MARCHF11: variants seen among roughly 807,000 people sequenced by gnomAD.
MARCHF11 encodes the protein E3 ubiquitin-protein ligase MARCHF11.
In MARCHF11, 29 loss-of-function variants were observed where a neutral mutation model predicts 37.3. The ratio of observed to expected loss-of-function variants is 0.78; its 90% CI spans 0.58 to 1.06. The LOEUF is 1.06. Ranked by LOEUF, MARCHF11 falls within the 50% of genes least tolerant of loss-of-function variation. The pLI, the probability that MARCHF11 is intolerant of heterozygous loss-of-function variation, is 0.00. For missense variants in MARCHF11, 482 were observed against 533.4 expected (o/e 0.90, Z 0.95); for synonymous variants, 233 against 228.0 (o/e 1.02, Z -0.20).
intron 2 of MARCHF11, among the ~76,000 whole-genome samples, chr5:16,145,547 A>G (rs1737783080): frequency 6.6e-6 from 1 of 152,188 alleles, no homozygotes; most frequent in African/African-American, 2.4e-5. Context: ...GTATTTTATT[A>G]TAGCAATCCA....
chr5:16,166,891 ATGTGTGTGTG>A lies in MARCHF11; in HGVS notation c.693+10825_693+10834del, dbSNP rs3993864. On this transcript the variant is annotated intron_variant, in intron 2 of 3. Coordinates refer to ENST00000332432, the MANE Select transcript of MARCHF11 (RefSeq NM_001102562.3). ...TCACCAGAGAAACAAAACCAACAGG[ATGTGTGTGTG>A]TGTGTGTGTGTGTGTGTACATATGT... is the stretch of plus-strand genomic sequence containing the variant. Among the ~76,000 whole-genome samples the A allele has an allele frequency of 4.7e-5, 7 of 149,374 alleles. No homozygotes were observed. In the East Asian group the frequency reaches 6.1e-4, roughly 13 times the overall value.
chr5:16,106,523 C>T (rs1013143773), intron 2 of MARCHF11, among the ~76,000 whole-genome samples: 3 of 152,140 alleles, frequency 2.0e-5, no homozygotes, highest in Non-Finnish European at 4.4e-5. Flanking sequence ...ATGCATGAAG[C>T]GTGGTTTTGT....
rs201450561 is a variant in MARCHF11 at position 16,092,400 on chromosome 5, CTGTT to C, written c.694-1323_694-1320del. Among the ~76,000 whole-genome samples the C allele has an allele frequency of 4.6e-3, 708 of 152,300 alleles. 6 individuals carry two copies. The highest frequency in any genetic ancestry group is 0.016 in the African/African-American group (653 of 41,552). ...TTTTAAATAACAGAACCGAACAACACTGTTTGGTGAAATACTGTGAGAAAGAGAT... is the reference window on the plus strand; with the variant it reads ...TTTTAAATAACAGAACCGAACAACACTGGTGAAATACTGTGAGAAAGAGAT... On this transcript the variant is annotated intron_variant, in intron 2 of 3. Coordinates refer to ENST00000332432, the MANE Select transcript of MARCHF11 (RefSeq NM_001102562.3).
chr5:16,145,460 C>T (rs372709112), intron 2 of MARCHF11, among the ~76,000 whole-genome samples: 8 of 152,266 alleles, frequency 5.3e-5, no homozygotes, highest in African/African-American at 1.7e-4. Flanking sequence ...TCTAACCTGA[C>T]GGTGCCTTGA....
At chr5:16,157,660 G>A (rs974842903) in intron 2 of MARCHF11, among the ~76,000 whole-genome samples, 1 of 151,800 alleles carries the variant, frequency 6.6e-6, no homozygotes, top group African/African-American at 2.4e-5. Flanking sequence ...CAGACTCTTA[G>A]CTCACACTGC....
At chr5:16,134,991 C>G (rs1737582775) in intron 2 of MARCHF11, among the ~76,000 whole-genome samples, 2 of 132,930 alleles carry the variant, frequency 1.5e-5, no homozygotes, top group Admixed American at 7.6e-5. Context: ...CTCTCTCTCT[C>G]TCTCTCTCAC....
intron 2 of MARCHF11, among the ~76,000 whole-genome samples, chr5:16,092,174 C>T (rs1179049832): frequency 6.6e-6 from 1 of 151,842 alleles, no homozygotes; most frequent in Non-Finnish European, 1.5e-5. Flanking sequence ...GACACTGATC[C>T]TCTCTCCCTC....
intron 3 of MARCHF11, among the ~76,000 whole-genome samples, chr5:16,082,253 G>A (rs950493908): frequency 6.6e-6 from 1 of 152,172 alleles, no homozygotes; most frequent in Admixed American, 6.5e-5. Context: ...GGCTCATCAC[G>A]TTGAATCAGA....
chr5:16,129,105 A>G (rs1737469211), intron 2 of MARCHF11: 1 of 152,222 alleles, frequency 6.6e-6, no homozygotes, highest in Non-Finnish European at 1.5e-5. Flanking sequence ...TAATTTTAAC[A>G]GCATCGTTCA....
intron 3 of MARCHF11, 87 bp downstream of exon 3, chr5:16,090,802 T>C (rs1736778525): frequency 1.9e-6 from 2 of 1,060,926 alleles, no homozygotes; most frequent in Non-Finnish European, 2.5e-6. Flanking sequence ...TCCACAACAT[T>C]CTCTATTAGA....
intron 2 of MARCHF11, chr5:16,141,333 T>A (rs1737704091): frequency 6.6e-6 from 1 of 152,188 alleles, no homozygotes. Flanking sequence ...GCTGTCCTCA[T>A]CTGTCTTATT....
intron 2 of MARCHF11, among the ~76,000 whole-genome samples, chr5:16,140,370 C>T (rs5006462): frequency 0.51 from 77,592 of 151,860 alleles, 20,591 homozygotes; most frequent in African/African-American, 0.66. Flanking sequence ...TCATAAAAGC[C>T]CCTTGGCTTA....
intron 2 of MARCHF11, among the ~76,000 whole-genome samples, chr5:16,172,113 A>C (rs1170921757): frequency 6.6e-6 from 1 of 152,202 alleles, no homozygotes; most frequent in Non-Finnish European, 1.5e-5. Context: ...CCAGTGTTTC[A>C]GAACCATCTG....
chr5:16,135,477 T>C (rs1386005555), intron 2 of MARCHF11, among the ~76,000 whole-genome samples: 1 of 152,178 alleles, frequency 6.6e-6, no homozygotes, highest in African/African-American at 2.4e-5. Context: ...CTCCACCCTA[T>C]TGGCCATCTA....
intron 2 of MARCHF11, among the ~76,000 whole-genome samples, chr5:16,166,869 C>A (rs1014450651): frequency 2.7e-5 from 4 of 145,802 alleles, no homozygotes; most frequent in Non-Finnish European, 4.5e-5. Context: ...TCAGGTTTCA[C>A]CAGAGAAACA....
chr5:16,084,989 A>AGTGTGTGTGTGTGT (rs530675511), intron 3 of MARCHF11, among the ~76,000 whole-genome samples: 75 of 128,742 alleles, frequency 5.8e-4, no homozygotes, highest in African/African-American at 2.1e-3. Flanking sequence ...CAGGGATCAG[A>AGTGTGTGTGTGTGT]GTGAGTGTGT....
At chr5:16,074,828 T>A (rs1736491338) in intron 3 of MARCHF11, among the ~76,000 whole-genome samples, 1 of 152,158 alleles carries the variant, frequency 6.6e-6, no homozygotes, top group South Asian at 2.1e-4. Flanking sequence ...AAGAAATGAT[T>A]AGTGCAATAA....
chr5:16,117,609 C>A (rs982589804), intron 2 of MARCHF11, among the ~76,000 whole-genome samples: 7 of 152,158 alleles, frequency 4.6e-5, no homozygotes, highest in Non-Finnish European at 1.0e-4. Flanking sequence ...CACCTGTCAG[C>A]TGGTTGTGGT....
intron 2 of MARCHF11, among the ~76,000 whole-genome samples, chr5:16,111,866 C>T (rs1371299644): frequency 2.6e-5 from 4 of 152,296 alleles, no homozygotes; most frequent in African/African-American, 9.6e-5. Context: ...ACTTGGTGCC[C>T]TGTGTCCCAG....
Sources: allele counts gnomAD v4.1 joint callset (sites outside exome capture counted in the v4.1 genomes callset), GRCh38; gene constraint gnomAD v4.1.1; transcripts MANE v1.5; gene names NCBI Gene and HGNC (gene_info 2026-07-23, HGNC 2026-07-21).